SLC39A14: variants seen among roughly 807,000 people sequenced by gnomAD.
The protein encoded by SLC39A14 is solute carrier family 39 member 14, also known as metal cation symporter ZIP14.
In SLC39A14, 19 loss-of-function variants were observed where a neutral mutation model predicts 45.5. The observed-to-expected ratio is 0.42, with a 90% CI of 0.29 to 0.61. The LOEUF is 0.61. Ranked by LOEUF, SLC39A14 falls within the 20% of genes least tolerant of loss-of-function variation. The pLI, the probability that SLC39A14 is intolerant of heterozygous loss-of-function variation, is 0.22. For synonymous variants in SLC39A14, 264 were observed against 251.3 expected, an observed-to-expected ratio of 1.05 and a Z score of -0.48; for missense variants, 447 against 616.5, an observed-to-expected ratio of 0.73 and a Z score of 2.91.
At chr8:22,383,566 C>G (rs1833627823) in intron 1 of SLC39A14, among the ~76,000 whole-genome samples, 2 of 152,160 alleles carry the variant, frequency 1.3e-5, no homozygotes, top group South Asian at 4.1e-4. Flanking sequence ...CGGCCAGGCC[C>G]CAGGGACTGG....
intron 1 of SLC39A14, among the ~76,000 whole-genome samples, chr8:22,380,195 C>T (rs979223998): frequency 4.6e-5 from 7 of 152,044 alleles, no homozygotes; most frequent in African/African-American, 1.7e-4. Context: ...GAACCAATCC[C>T]CTGCTGATGC....
intron 3 of SLC39A14, among the ~76,000 whole-genome samples, chr8:22,411,620 G>A (rs1835572754): frequency 1.3e-5 from 2 of 152,150 alleles, no homozygotes; most frequent in South Asian, 2.1e-4. Context: ...GAGAGCCCTC[G>A]AGTCCAAAGT....
At chr8:22,419,476 C>G in intron 8 of SLC39A14, 76 bp from the exon 9 acceptor site, 1 of 1,418,248 alleles carries the variant, frequency 7.1e-7, no homozygotes, top group Non-Finnish European at 9.7e-7. Flanking sequence ...TGATCTATAT[C>G]TCCATCACTG....
Position 22,422,124 on chromosome 8 carries a change from G to A in SLC39A14, c.*2426G>A, listed in dbSNP as rs1836261826. The A allele has an allele frequency of 2.0e-6, 2 of 985,332 alleles. No individual in the cohort carries two copies. The highest frequency in any genetic ancestry group is 1.2e-4 in the Admixed American group (2 of 16,262). 61.0% of individuals were successfully genotyped at this position (985,332 alleles called of 1,614,324 possible). A position where few individuals can be genotyped will look rare whatever the true frequency, so the allele number is the denominator to read the frequency against. On this transcript the variant is annotated 3_prime_UTR_variant, in exon 9 of 9. Transcript: ENST00000381237. ...TTTCAAGCATTTGTACATATTAGAAGTCTAAGGAGTAGCAAGTCAGTGGGA... is the reference window on the plus strand; with the variant it reads ...TTTCAAGCATTTGTACATATTAGAAATCTAAGGAGTAGCAAGTCAGTGGGA...
At chr8:22,403,729 C>T (rs1245655429) in intron 1 of SLC39A14, among the ~76,000 whole-genome samples, 1 of 150,282 alleles carries the variant, frequency 6.7e-6, no homozygotes, top group Non-Finnish European at 1.5e-5. Flanking sequence ...GACGAGCGGG[C>T]AAATATGGTG....
intron 4 of SLC39A14, among the ~76,000 whole-genome samples, chr8:22,413,821 C>T (rs1835719992): frequency 6.6e-6 from 1 of 152,216 alleles, no homozygotes; most frequent in Admixed American, 6.5e-5. Flanking sequence ...GTCACCCAGA[C>T]TGGAGTGCAG....
Position 22,404,600 on chromosome 8 carries a change from A to G in SLC39A14, c.-15-96A>G, listed in dbSNP as rs1254164719. 1.1e-5 allele frequency: 13 copies of G among 1,140,448 alleles called. No homozygotes were observed. The East Asian group carries it at 2.1e-4, about 19-fold the overall frequency. The allele number at this position is 1,140,448 out of a possible 1,614,324, so 70.6% of individuals were successfully genotyped here. On this transcript the variant is annotated intron_variant, in intron 1 of 8. Coordinates refer to ENST00000381237, the MANE Select transcript of SLC39A14 (RefSeq NM_001128431.4). ...GGAGCAGAGAAGCAGAGACTGAGGG[A>G]TAGTCTCAACATGTTCAGTGTGTGG...
At chr8:22,379,828 C>T (rs2132187766) in intron 1 of SLC39A14, among the ~76,000 whole-genome samples, 1 of 151,042 alleles carries the variant, frequency 6.6e-6, no homozygotes, top group South Asian at 2.1e-4. Flanking sequence ...ACTCAGGAGG[C>T]CGAGGCAGGA....
rs1836145066 is a variant in SLC39A14 at position 22,420,162 on chromosome 8, AGAGACAG to A, written c.*474_*480del. 1.3e-5 allele frequency: 13 copies of A among 986,328 alleles called. No individual in the cohort carries two copies. The highest frequency in any genetic ancestry group is 6.1e-5 in the Admixed American group (1 of 16,356). 61.1% of individuals were successfully genotyped at this position (986,328 alleles called of 1,614,324 possible). A position where few individuals can be genotyped will look rare whatever the true frequency, so the allele number is the denominator to read the frequency against. On this transcript the variant is annotated 3_prime_UTR_variant, in exon 9 of 9. Transcript: ENST00000381237. Reference sequence around the variant, plus strand: ...CTTGGACCTCCAGCTGGCCAATAGAAGAGACAGGAGACAGGAAGCCTTCCCATTTTTT... The same window carrying A: ...CTTGGACCTCCAGCTGGCCAATAGAAGAGACAGGAAGCCTTCCCATTTTTT...
intron 5 of SLC39A14, 144 bp downstream of exon 5, chr8:22,415,046 C>G (rs1835792468): frequency 1.0e-6 from 1 of 969,364 alleles, no homozygotes; most frequent in Non-Finnish European, 1.5e-6. Flanking sequence ...GGAGACAATC[C>G]CATTTCACCT....
At chr8:22,379,465 C>T (rs1563488060) in intron 1 of SLC39A14, 1 of 152,210 alleles carries the variant, frequency 6.6e-6, no homozygotes, top group Admixed American at 6.5e-5. Context: ...GGCTGGGGCC[C>T]ATCCTCAGAC....
intron 1 of SLC39A14, among the ~76,000 whole-genome samples, chr8:22,380,883 C>T (rs1031534085): frequency 2.2e-4 from 33 of 151,712 alleles, no homozygotes; most frequent in African/African-American, 6.3e-4. Flanking sequence ...TGCCATGTTG[C>T]GCACGCTAGT....
intron 1 of SLC39A14, chr8:22,404,436 A>C (rs546727010): frequency 4.1e-6 from 1 of 241,718 alleles, no homozygotes; most frequent in Non-Finnish European, 7.8e-6. Context: ...CAAAAAAAAA[A>C]AAAAATCATA....
At position 22,422,559 on chromosome 8, in the gene SLC39A14, C is replaced by A. The variant is rs903382515; in HGVS notation, c.*2861C>A. 10 of 985,022 alleles carry A rather than the reference C, an allele frequency of 1.0e-5. No homozygotes were observed. In the African/African-American group the frequency reaches 1.7e-4, roughly 17 times the overall value. The allele number at this position is 985,022 out of a possible 1,614,324, so 61.0% of individuals were successfully genotyped here. On this transcript the variant is annotated 3_prime_UTR_variant, in exon 9 of 9. Coordinates refer to ENST00000381237, the MANE Select transcript of SLC39A14 (RefSeq NM_001128431.4). ...TCCCTTTACAGTTCTGCAGTTCCAT[C>A]ACAGTATTTTTTTAAATAACTCAGG...
intron 1 of SLC39A14, among the ~76,000 whole-genome samples, chr8:22,396,298 C>G (rs970550129): frequency 6.7e-6 from 1 of 148,298 alleles, no homozygotes; most frequent in African/African-American, 2.5e-5. Context: ...ACCCGGGAGG[C>G]GGAGGTTACG....
chr8:22,423,811 T>TCTCACA (rs140415628), downstream of SLC39A14, among the ~76,000 whole-genome samples: 1 of 150,652 alleles, frequency 6.6e-6, no homozygotes, highest in African/African-American at 2.5e-5. Context: ...TCTCTCTCTC[T>TCTCACA]CATCTATCTT....
chr8:22,427,222 C>T (rs948781461), downstream of SLC39A14, among the ~76,000 whole-genome samples: 2 of 151,910 alleles, frequency 1.3e-5, no homozygotes, highest in South Asian at 2.1e-4. Flanking sequence ...ACCCAGGAGG[C>T]GGAGGTTGCG....
At chr8:22,383,367 A>T (rs1267247562) in intron 1 of SLC39A14, among the ~76,000 whole-genome samples, 1 of 152,114 alleles carries the variant, frequency 6.6e-6, no homozygotes, top group African/African-American at 2.4e-5. Context: ...CCGCACAGGG[A>T]TTACTGGGCT....
chr8:22,410,137 C>G (rs377581129), intron 3 of SLC39A14: 2 of 1,613,256 alleles, frequency 1.2e-6, no homozygotes, highest in South Asian at 2.2e-5. Context: ...CAGAAACTTG[C>G]GCGTCCTCTT....
Sources: gnomAD v4.1 joint callset for allele counts (sites outside exome capture counted in the v4.1 genomes callset) on GRCh38, gnomAD v4.1.1 for gene constraint, MANE v1.5 for transcripts, NCBI Gene and HGNC (gene_info 2026-07-23, HGNC 2026-07-21) for gene names.